The following SLC1A3 variants were observed in gnomAD, a reference collection of about 807,000 sequenced individuals.
SLC1A3 encodes the protein excitatory amino acid transporter 1.
SLC1A3 carries 21 observed loss-of-function variants against 48.1 expected under a neutral mutation model. That is an observed-to-expected ratio of 0.44 (90% CI 0.31 to 0.63). The LOEUF (loss-of-function observed/expected upper bound fraction) is 0.63, where lower values mean the gene tolerates loss of function less well. Ranked by LOEUF, SLC1A3 falls within the 20% of genes least tolerant of loss-of-function variation. The probability of loss-of-function intolerance (pLI) is 0.08; values close to 1 mark genes in which losing one functional copy is unlikely to be tolerated. For synonymous variants in SLC1A3, 239 were observed against 251.4 expected (o/e 0.95, Z 0.47); for missense variants, 546 against 689.0 (o/e 0.79, Z 2.32).
chr5:36,682,988 G>T (rs1235592078), intron 8 of SLC1A3, among the ~76,000 whole-genome samples: 2 of 152,124 alleles, frequency 1.3e-5, no homozygotes, highest in African/African-American at 4.8e-5. Flanking sequence ...TGCTTTGCAA[G>T]CCAGGTCTAC....
intron 3 of SLC1A3, among the ~76,000 whole-genome samples, chr5:36,637,041 T>G (rs886911128): frequency 2.6e-5 from 4 of 152,190 alleles, no homozygotes; most frequent in African/African-American, 9.6e-5. Context: ...CACCTAGCAG[T>G]CTCTTGGGCA....
chr5:36,679,647 T>G lies in SLC1A3; in HGVS notation c.881T>G (p.Leu294Arg). The G allele has an allele frequency of 6.2e-7, 1 of 1,614,130 alleles. No homozygotes were observed. The highest frequency in any genetic ancestry group is 8.5e-7 in the Non-Finnish European group (1 of 1,179,966). The change falls in exon 7 of 10, where the codon CTC becomes CGC. Residue 294 changes from leucine to arginine, a missense_variant. Coordinates refer to ENST00000265113, the MANE Select transcript of SLC1A3 (RefSeq NM_004172.5). ...VIMWYAPVGI[L>R]FLIAGKIVEM... Reference sequence around the variant, plus strand: ...CCCAGGTATGCCCCCGTGGGTATTCTCTTCCTGATTGCTGGGAAGATTGTG... The same window carrying G: ...CCCAGGTATGCCCCCGTGGGTATTCGCTTCCTGATTGCTGGGAAGATTGTG...
chr5:36,648,252 G>T (rs1391119471), intron 3 of SLC1A3, among the ~76,000 whole-genome samples: 1 of 152,116 alleles, frequency 6.6e-6, no homozygotes, highest in Non-Finnish European at 1.5e-5. Context: ...CTATAGGCAA[G>T]ACTGTACCAC....
At chr5:36,610,125 A>G (rs535489335) in intron 2 of SLC1A3, among the ~76,000 whole-genome samples, 1 of 152,328 alleles carries the variant, frequency 6.6e-6, no homozygotes, top group African/African-American at 2.4e-5. Flanking sequence ...TGACAACACT[A>G]GTAAACTCTA....
At chr5:36,612,799 G>T in intron 2 of SLC1A3, 1 of 456,180 alleles carries the variant, frequency 2.2e-6, no homozygotes. Flanking sequence ...TACTGAGTGG[G>T]ATTCAAATCC....
intron 3 of SLC1A3, among the ~76,000 whole-genome samples, chr5:36,634,105 A>T (rs1208818173): frequency 6.6e-6 from 1 of 151,934 alleles, no homozygotes; most frequent in Non-Finnish European, 1.5e-5. Context: ...GTGAAACCCC[A>T]TCTCTACTAA....
intron 1 of SLC1A3, among the ~76,000 whole-genome samples, chr5:36,597,316 G>A (rs1478912469): frequency 8.2e-6 from 1 of 121,488 alleles, no homozygotes; most frequent in Non-Finnish European, 1.6e-5. Context: ...GTGCGATCTC[G>A]GCTCACTGCA....
chr5:36,682,260 A>T (rs1742468271), intron 8 of SLC1A3, among the ~76,000 whole-genome samples: 2 of 152,194 alleles, frequency 1.3e-5, no homozygotes, highest in Non-Finnish European at 2.9e-5. Flanking sequence ...CAGTCACCAC[A>T]CATTTGTTGT....
intron 3 of SLC1A3, among the ~76,000 whole-genome samples, chr5:36,660,733 A>G (rs1332628981): frequency 6.6e-6 from 1 of 152,206 alleles, no homozygotes; most frequent in Non-Finnish European, 1.5e-5. Flanking sequence ...AGGTGAGACT[A>G]TTCTTTTATA....
At chr5:36,625,799 G>T (rs1211211950) in intron 2 of SLC1A3, among the ~76,000 whole-genome samples, 1 of 152,154 alleles carries the variant, frequency 6.6e-6, no homozygotes, top group Non-Finnish European at 1.5e-5. Flanking sequence ...GAGAAATGAC[G>T]TCCTCCTACT....
intron 3 of SLC1A3, among the ~76,000 whole-genome samples, chr5:36,639,934 C>T (rs182025954): frequency 8.5e-5 from 13 of 152,204 alleles, no homozygotes; most frequent in East Asian, 3.9e-4. Flanking sequence ...ACTGGGAACC[C>T]GCATTCCGTT....
intron 3 of SLC1A3, among the ~76,000 whole-genome samples, chr5:36,643,835 A>G (rs1329606300): frequency 6.6e-6 from 1 of 152,026 alleles, no homozygotes. Flanking sequence ...TCTACTAAAG[A>G]TACCAAAAAA....
chr5:36,597,328 G>C (rs928017813), intron 1 of SLC1A3, among the ~76,000 whole-genome samples: 50 of 123,118 alleles, frequency 4.1e-4, no homozygotes, highest in African/African-American at 1.5e-3. Flanking sequence ...CTCACTGCAA[G>C]CTCCGCCTCC....
At chr5:36,609,079 A>G in intron 2 of SLC1A3, 1 of 988,650 alleles carries the variant, frequency 1.0e-6, no homozygotes, top group Non-Finnish European at 1.2e-6. Context: ...AGGCACAGAG[A>G]CCGAATATTT....
chr5:36,603,691 A>C (rs1210501909), upstream of SLC1A3, among the ~76,000 whole-genome samples: 1 of 152,186 alleles, frequency 6.6e-6, no homozygotes, highest in Non-Finnish European at 1.5e-5. Flanking sequence ...TTCTACACCT[A>C]CTGCCTCTAA....
intron 2 of SLC1A3, among the ~76,000 whole-genome samples, chr5:36,614,767 A>C (rs1739361558): frequency 6.6e-6 from 1 of 152,046 alleles, no homozygotes; most frequent in South Asian, 2.1e-4. Flanking sequence ...CCTACTGCCC[A>C]TTAACTGCCA....
intron 3 of SLC1A3, chr5:36,670,797 C>T (rs895730030): frequency 1.7e-5 from 10 of 575,378 alleles, no homozygotes; most frequent in African/African-American, 1.7e-4. Context: ...ACTCTTGGGG[C>T]AGAAAATGAG....
intron 3 of SLC1A3, among the ~76,000 whole-genome samples, chr5:36,662,548 A>G (rs1741557546): frequency 6.6e-6 from 1 of 152,180 alleles, no homozygotes; most frequent in Non-Finnish European, 1.5e-5. Context: ...AAAGAAGATG[A>G]ATTACTCTCT....
chr5:36,659,180 G>A (rs749216587), intron 3 of SLC1A3, among the ~76,000 whole-genome samples: 5 of 152,180 alleles, frequency 3.3e-5, no homozygotes, highest in Non-Finnish European at 7.4e-5. Flanking sequence ...TGGAGTTGGA[G>A]AGACTTCAGA....
Sources: allele counts gnomAD v4.1 joint callset (sites outside exome capture counted in the v4.1 genomes callset), GRCh38; gene constraint gnomAD v4.1.1; transcripts MANE v1.5; gene names NCBI Gene and HGNC (gene_info 2026-07-23, HGNC 2026-07-21).